Variants in CMIP observed in about 807,000 individuals in gnomAD.
The protein encoded by CMIP is C-Maf-inducing protein.
A neutral mutation model predicts 97.3 loss-of-function variants in CMIP; 13 were observed. The observed-to-expected ratio is 0.13, with a 90% CI of 0.09 to 0.21. The LOEUF (loss-of-function observed/expected upper bound fraction) is 0.21, where lower values mean the gene tolerates loss of function less well. Ranked by LOEUF, CMIP falls within the 10% of genes least tolerant of loss-of-function variation. The probability of loss-of-function intolerance (pLI) is 1.00; values close to 1 mark genes in which losing one functional copy is unlikely to be tolerated. For synonymous variants in CMIP, 538 were observed against 436.3 expected, an observed-to-expected ratio of 1.23 and a Z score of -2.91; for missense variants, 847 against 1,024.9, an observed-to-expected ratio of 0.83 and a Z score of 2.37.
intron 3 of CMIP, among the ~76,000 whole-genome samples, chr16:81,623,391 C>G (rs1289198618): frequency 6.6e-6 from 1 of 152,172 alleles, no homozygotes; most frequent in African/African-American, 2.4e-5. Context: ...TTCAGAAAAC[C>G]TAAATCAGGA....
rs141379334 is a variant in CMIP, at chr16:81,703,166, G to T, written c.1944+497G>T. Among the ~76,000 whole-genome samples the T allele has an allele frequency of 6.6e-5, 10 of 152,250 alleles. No individual in the cohort carries two copies. The East Asian group carries it at 1.7e-3, about 26-fold the overall frequency. On this transcript the variant is annotated intron_variant, in intron 17 of 20. Coordinates refer to ENST00000537098, the MANE Select transcript of CMIP (RefSeq NM_198390.3). ...CCTCTTGTCTCCATTCCAGCCAGCA[G>T]GAAGGAGAACGTGCCCCTTCCTCTT...
At chr16:81,577,626 CCATCACCACCATCATCACCATCACCTT>C (rs1237530726) in intron 1 of CMIP, among the ~76,000 whole-genome samples, 8 of 149,288 alleles carry the variant, frequency 5.4e-5, no homozygotes, top group African/African-American at 2.0e-4. Context: ...ATCACTATCA[CCATCACCACCATCATCACCATCACCTT>C]CATCACCACC....
intron 19 of CMIP, 93 bp from the exon 20 acceptor site, chr16:81,706,921 G>T (rs1908215175): frequency 9.7e-7 from 1 of 1,028,550 alleles, no homozygotes; most frequent in East Asian, 2.4e-5. Flanking sequence ...AGGGGGCCTG[G>T]CACCTGCATT....
At chr16:81,582,057 G>C (rs918940434) in intron 1 of CMIP, among the ~76,000 whole-genome samples, 1 of 152,162 alleles carries the variant, frequency 6.6e-6, no homozygotes, top group Non-Finnish European at 1.5e-5. Context: ...AAGAGAGCTG[G>C]CGGGGAGAGG....
At chr16:81,448,595 G>C (rs1906012351) in intron 1 of CMIP, among the ~76,000 whole-genome samples, 1 of 152,262 alleles carries the variant, frequency 6.6e-6, no homozygotes, top group Non-Finnish European at 1.5e-5. Flanking sequence ...TCAGGTCGCA[G>C]CTTGCCCTGC....
intron 1 of CMIP, among the ~76,000 whole-genome samples, chr16:81,550,658 C>G (rs1289521686): frequency 2.0e-5 from 3 of 152,174 alleles, no homozygotes; most frequent in African/African-American, 7.2e-5. Context: ...CTTCTGGAAT[C>G]TACCTGATCA....
intron 2 of CMIP, among the ~76,000 whole-genome samples, chr16:81,617,801 G>T (rs546303755): frequency 6.6e-6 from 1 of 152,338 alleles, no homozygotes; most frequent in South Asian, 2.1e-4. Context: ...CATTCATTCA[G>T]AAAACACCTG....
At chr16:81,464,497 CATT>C (rs1449892077) in intron 1 of CMIP, 1 of 66,712 alleles carries the variant, frequency 1.5e-5, no homozygotes, top group Non-Finnish European at 2.8e-5. Flanking sequence ...GTGAAGGTCT[CATT>C]CATTCATTCA....
At position 81,652,930 on chromosome 16, in the gene CMIP, C is replaced by T. The variant is rs1246860942; in HGVS notation, c.639+566C>T. The stretch of plus-strand genomic sequence containing the variant: ...TATTGAATGTGTGCTTTGTGCCAGG[C>T]ACCATCTGGGAATTCAAGCAAAGAC... On this transcript the variant is annotated intron_variant, in intron 4 of 20. Coordinates refer to ENST00000537098, the MANE Select transcript of CMIP (RefSeq NM_198390.3). The surrounding 1 kb of genome is among the most constrained non-coding windows in gnomAD (Gnocchi z 5.2). Among the ~76,000 whole-genome samples the T allele has an allele frequency of 6.6e-6, 1 of 152,110 alleles. No homozygotes were observed. The highest frequency in any genetic ancestry group is 1.5e-5 in the Non-Finnish European group (1 of 68,042).
intron 6 of CMIP, among the ~76,000 whole-genome samples, chr16:81,663,057 A>G (rs959591113): frequency 3.3e-5 from 5 of 151,920 alleles, no homozygotes; most frequent in African/African-American, 1.2e-4. Context: ...ACCAAACAAA[A>G]AGCAAACAAA....
chr16:81,462,123 A>G (rs1906933180), intron 1 of CMIP, among the ~76,000 whole-genome samples: 1 of 151,570 alleles, frequency 6.6e-6, no homozygotes, highest in Non-Finnish European at 1.5e-5. Flanking sequence ...GAAGTGATTT[A>G]TTTTTTCTTT....
chr16:81,593,420 GCAGGTGCCATCGGGTCTCTGACCCC>G (rs2091496675), intron 1 of CMIP, among the ~76,000 whole-genome samples: 1 of 152,106 alleles, frequency 6.6e-6, no homozygotes, highest in Non-Finnish European at 1.5e-5. Flanking sequence ...CCTGTGATGC[GCAGGTGCCATCGGGTCTCTGACCCC>G]AGGCCATCAA....
chr16:81,494,729 G>T (rs929005250), intron 1 of CMIP, among the ~76,000 whole-genome samples: 1 of 152,218 alleles, frequency 6.6e-6, no homozygotes, highest in Non-Finnish European at 1.5e-5. Flanking sequence ...GTGCTCTTTC[G>T]ACTCCTGGAT....
chr16:81,688,102 G>A (rs554729979), intron 10 of CMIP, among the ~76,000 whole-genome samples: 1 of 151,818 alleles, frequency 6.6e-6, no homozygotes, highest in South Asian at 2.1e-4. Context: ...TCCCAGGGTC[G>A]GATGGGGGTG....
intron 1 of CMIP, among the ~76,000 whole-genome samples, chr16:81,560,146 TA>T (rs71146020): frequency 3.6e-4 from 40 of 110,028 alleles, no homozygotes; most frequent in African/African-American, 8.1e-4. Flanking sequence ...GACTCTGTCT[TA>T]AAAAAAAAAA....
chr16:81,618,008 A>G (rs1208218499), intron 2 of CMIP, among the ~76,000 whole-genome samples: 2 of 152,198 alleles, frequency 1.3e-5, no homozygotes, highest in Non-Finnish European at 1.5e-5. Context: ...GGCAGCTTAC[A>G]GGCACTGCCT....
Position 81,554,277 on chromosome 16 carries a change from C to G in CMIP, c.301-53290C>G, listed in dbSNP as rs145969641. 3.9e-5 allele frequency among the ~76,000 whole-genome samples: 6 copies of G among 152,294 alleles called. No homozygotes were observed. In the East Asian group the frequency reaches 7.7e-4, roughly 20 times the overall value. The stretch of plus-strand genomic sequence containing the variant: ...ATTAGCATTCAGAGAAAATGCTCTC[C>G]TCTTCAAAAGGCACTTTAACCTGTT... On this transcript the variant is annotated intron_variant, in intron 1 of 20. Transcript: ENST00000537098.
At chr16:81,486,837 G>A (rs571296140) in intron 1 of CMIP, among the ~76,000 whole-genome samples, 1 of 152,386 alleles carries the variant, frequency 6.6e-6, no homozygotes, top group East Asian at 1.9e-4. Flanking sequence ...GTAAATGAGT[G>A]AGTTGTTCTT....
intron 3 of CMIP, among the ~76,000 whole-genome samples, chr16:81,650,257 G>A (rs2092412161): frequency 6.6e-6 from 1 of 152,202 alleles, no homozygotes; most frequent in African/African-American, 2.4e-5. Flanking sequence ...GCTCCCTGGG[G>A]AATGCTGGGC....
Sources: allele counts gnomAD v4.1 joint callset (sites outside exome capture counted in the v4.1 genomes callset), GRCh38; gene constraint gnomAD v4.1.1; non-coding constraint Gnocchi (gnomAD v3.1); transcripts MANE v1.5; gene names NCBI Gene and HGNC (gene_info 2026-07-23, HGNC 2026-07-21).